Variants in ARB2A observed in about 807,000 individuals in gnomAD.
The protein encoded by ARB2A is cotranscriptional regulator ARB2A.
At chr5:94,097,456 TGGGA>T in the ARB2A span, among the ~76,000 whole-genome samples, 1 of 152,146 alleles carries the variant, frequency 6.6e-6, no homozygotes, top group South Asian at 2.1e-4. Context: ...AGGGACCCAG[TGGGA>T]GGTAATTGAA....
the ARB2A span, among the ~76,000 whole-genome samples, chr5:93,806,544 T>G: frequency 1.4e-4 from 21 of 152,054 alleles, no homozygotes; most frequent in Non-Finnish European, 2.7e-4. Context: ...ATTATATAGC[T>G]ATATATTGCT....
At chr5:93,641,410 T>C in the ARB2A span, among the ~76,000 whole-genome samples, 1 of 152,140 alleles carries the variant, frequency 6.6e-6, no homozygotes, top group Admixed American at 6.6e-5. Flanking sequence ...TAAAAAATCA[T>C]ATTGATGGGA....
the ARB2A span, among the ~76,000 whole-genome samples, chr5:93,903,158 T>C: frequency 6.6e-6 from 1 of 152,122 alleles, no homozygotes; most frequent in African/African-American, 2.4e-5. Context: ...TGTTTCTTTA[T>C]ACACCAGCAA....
the ARB2A span, among the ~76,000 whole-genome samples, chr5:93,724,843 T>C: frequency 6.6e-6 from 1 of 152,066 alleles, no homozygotes; most frequent in African/African-American, 2.4e-5. Context: ...TATCACAATA[T>C]GCCATCATCA....
chr5:93,997,445 A>G, the ARB2A span, among the ~76,000 whole-genome samples: 9 of 152,176 alleles, frequency 5.9e-5, 1 homozygote, highest in South Asian at 6.2e-4. Flanking sequence ...TCTGTATTCA[A>G]TAAGATATTT....
At chr5:94,041,297 C>T in the ARB2A span, among the ~76,000 whole-genome samples, 3 of 151,930 alleles carry the variant, frequency 2.0e-5, no homozygotes, top group African/African-American at 7.2e-5. Context: ...GCTTAGGACA[C>T]CTGTAAGCCC....
the ARB2A span, among the ~76,000 whole-genome samples, chr5:94,021,264 C>G: frequency 1.1e-4 from 16 of 152,254 alleles, no homozygotes; most frequent in South Asian, 3.1e-3. Flanking sequence ...TCATCATATT[C>G]ACAAGCAGAT....
chr5:93,804,718 T>C, the ARB2A span: 2 of 255,830 alleles, frequency 7.8e-6, no homozygotes, highest in Admixed American at 6.6e-5. Context: ...AGCTAGTAGA[T>C]TTTTTTTATT....
chr5:93,786,232 G>A, the ARB2A span, among the ~76,000 whole-genome samples: 3 of 152,188 alleles, frequency 2.0e-5, no homozygotes, highest in South Asian at 4.1e-4. Flanking sequence ...TGTGAAATGA[G>A]ATACAATAAA....
chr5:93,697,782 C>A, the ARB2A span, among the ~76,000 whole-genome samples: 15 of 152,134 alleles, frequency 9.9e-5, no homozygotes, highest in Non-Finnish European at 2.2e-4. Flanking sequence ...AAATAAAAAC[C>A]TCTACTAAGC....
At chr5:93,637,242 CTG>C in the ARB2A span, among the ~76,000 whole-genome samples, 1 of 151,642 alleles carries the variant, frequency 6.6e-6, no homozygotes, top group Non-Finnish European at 1.5e-5. Context: ...CTAGGTTGTT[CTG>C]TGTCAACAGT....
the ARB2A span, among the ~76,000 whole-genome samples, chr5:93,880,874 A>G: frequency 6.6e-5 from 10 of 151,576 alleles, no homozygotes; most frequent in Admixed American, 5.3e-4. Flanking sequence ...CTATCCCTAC[A>G]CTATTTTGGC....
chr5:93,938,462 G>A, the ARB2A span, among the ~76,000 whole-genome samples: 3 of 152,152 alleles, frequency 2.0e-5, no homozygotes, highest in African/African-American at 4.8e-5. Context: ...TTTTAAAACC[G>A]ACTCATAGCT....
chr5:93,856,620 C>A, the ARB2A span, among the ~76,000 whole-genome samples: 1 of 152,196 alleles, frequency 6.6e-6, no homozygotes, highest in Non-Finnish European at 1.5e-5. Flanking sequence ...CGAGCCTTGG[C>A]TTTCAGCTCC....
At chr5:93,696,045 G>C in the ARB2A span, among the ~76,000 whole-genome samples, 15 of 151,912 alleles carry the variant, frequency 9.9e-5, no homozygotes, top group African/African-American at 3.6e-4. Context: ...GGGGGTGGGG[G>C]ACTAGGGGAG....
At chr5:94,098,965 C>G in the ARB2A span, among the ~76,000 whole-genome samples, 183 of 152,178 alleles carry the variant, frequency 1.2e-3, 3 homozygotes, top group East Asian at 0.033. Context: ...TTAACGAGCT[C>G]CAAAACTGAA....
the ARB2A span, among the ~76,000 whole-genome samples, chr5:93,647,241 C>G: frequency 2.7e-4 from 41 of 152,020 alleles, no homozygotes; most frequent in Non-Finnish European, 5.0e-4. Context: ...TTTCTTCCCC[C>G]CCGAGACGGA....
chr5:93,620,781 G>A, the ARB2A span: 3 of 538,580 alleles, frequency 5.6e-6, no homozygotes, highest in South Asian at 1.1e-4. Context: ...TCAGCCCGCA[G>A]GAAGCACGAC....
chr5:93,932,917 A>G, the ARB2A span, among the ~76,000 whole-genome samples: 2 of 152,228 alleles, frequency 1.3e-5, no homozygotes, highest in African/African-American at 2.4e-5. Flanking sequence ...CAAAGGGCTA[A>G]TATCCAGAAT....
Sources: allele counts gnomAD v4.1 joint callset (sites outside exome capture counted in the v4.1 genomes callset), GRCh38; gene constraint gnomAD v4.1.1; transcripts MANE v1.5; gene names NCBI Gene and HGNC (gene_info 2026-07-23, HGNC 2026-07-21).